Variants in PEF1 observed in about 807,000 individuals in gnomAD.
The protein encoded by PEF1 is peflin.
In PEF1, 17 loss-of-function variants were observed where a neutral mutation model predicts 32.0. That is an observed-to-expected ratio of 0.53 (90% CI 0.36 to 0.80). The LOEUF (loss-of-function observed/expected upper bound fraction) is 0.80. Among genes scored for constraint, PEF1 ranks in the 30% least tolerant of loss-of-function variants. PEF1 has a pLI of 0.00. For missense variants in PEF1, 362 were observed against 369.1 expected, an observed-to-expected ratio of 0.98 and a Z score of 0.16; for synonymous variants, 130 against 139.8, an observed-to-expected ratio of 0.93 and a Z score of 0.50.
At position 31,630,746 on chromosome 1, in the gene PEF1, T is replaced by C; in HGVS notation, c.722A>G (p.Asp241Gly). 1 of 1,614,104 alleles carries C rather than the reference T, an allele frequency of 6.2e-7. No homozygotes were observed. The highest frequency in any genetic ancestry group is 1.1e-5 in the South Asian group (1 of 91,078). The part of the protein sequence containing the change: ...PRSANPAMQL[D>G]RFIQVCTQLQ... ...CTGGGTGCACACCTGGATGAAGCGGTCAAGCTGCATGGCAGGATTGGCAGA... is the reference window on the plus strand; with the variant it reads ...CTGGGTGCACACCTGGATGAAGCGGCCAAGCTGCATGGCAGGATTGGCAGA... Residue 241 changes from aspartate to glycine, a missense_variant, in exon 5 of 5, where the codon GAC becomes GGC. Transcript: ENST00000373703.
intron 4 of PEF1, among the ~76,000 whole-genome samples, chr1:31,631,372 G>GACT (rs1463600410): frequency 1.3e-5 from 2 of 152,222 alleles, no homozygotes; most frequent in Non-Finnish European, 2.9e-5. Context: ...TTAGCACAGT[G>GACT]ACTGGCACAG....
Position 31,630,538 on chromosome 1 carries a change from A to G in PEF1, c.*75T>C, listed in dbSNP as rs1640065880. 7.4e-7 allele frequency: 1 copy of G among 1,355,078 alleles called. No homozygotes were observed. The highest frequency in any genetic ancestry group is 1.0e-6 in the Non-Finnish European group (1 of 960,868). The allele number at this position is 1,355,078 out of a possible 1,614,324, so 83.9% of individuals were successfully genotyped here. On this transcript the variant is annotated 3_prime_UTR_variant, in exon 5 of 5. Coordinates refer to ENST00000373703, the MANE Select transcript of PEF1 (RefSeq NM_012392.4). Reference sequence around the variant, plus strand: ...TTCTAGAGGGACAGGAAAAGAAGAGATGTCCACATACTTCTCTCACTCTAA... The same window carrying G: ...TTCTAGAGGGACAGGAAAAGAAGAGGTGTCCACATACTTCTCTCACTCTAA...
chr1:31,641,326 G>C (rs574031426), intron 1 of PEF1, among the ~76,000 whole-genome samples: 2 of 152,064 alleles, frequency 1.3e-5, no homozygotes, highest in Non-Finnish European at 2.9e-5. Flanking sequence ...CCTCAATAGC[G>C]TCAAAACCGG....
intron 2 of PEF1, 99 bp from the exon 3 acceptor site, chr1:31,633,413 A>G (rs1640170858): frequency 3.9e-6 from 5 of 1,275,936 alleles, no homozygotes; most frequent in Admixed American, 5.5e-5. Flanking sequence ...GAAGCTTCAC[A>G]AATTCACCTT....
intron 1 of PEF1, among the ~76,000 whole-genome samples, chr1:31,641,895 A>G (rs1395977310): frequency 6.6e-6 from 1 of 152,224 alleles, no homozygotes; most frequent in Non-Finnish European, 1.5e-5. Flanking sequence ...TTTAATCTTT[A>G]GAGTAATTCT....
chr1:31,630,711 G>C lies in PEF1; in HGVS notation c.757C>G (p.Leu253Val). Residue 253 changes from leucine to valine, a missense_variant, in exon 5 of 5, where the codon CTG (leucine) becomes GTG (valine). Coordinates refer to ENST00000373703, the MANE Select transcript of PEF1 (RefSeq NM_012392.4). Reference protein sequence around the residue: ...FIQVCTQLQVLTEAFREKDTA... With the variant: ...FIQVCTQLQVVTEAFREKDTA... ...TCCTTCTCCCGGAAGGCCTCTGTCA[G>C]CACCTGCAGCTGGGTGCACACCTGG... is the stretch of plus-strand genomic sequence containing the variant. The C allele has an allele frequency of 6.2e-6, 10 of 1,614,198 alleles. No individual in the cohort carries two copies. Among genetic ancestry groups the C allele is most frequent in the Non-Finnish European group, 8.5e-6 (10 of 1,180,050 alleles).
In PEF1 at chr1:31,630,747, C is replaced by G. The variant is rs780909453; in HGVS notation, c.721G>C (p.Asp241His). The G allele has an allele frequency of 2.5e-6, 4 of 1,614,100 alleles. No homozygotes were observed. The highest frequency in any genetic ancestry group is 3.4e-6 in the Non-Finnish European group (4 of 1,180,028). Residue 241 changes from aspartate (D) to histidine (H), a missense_variant, in exon 5 of 5, where the codon GAC becomes CAC. Physicochemically the swap from Asp to His is moderately conservative, Grantham distance 81. Transcript: ENST00000373703. ...TGGGTGCACACCTGGATGAAGCGGT[C>G]AAGCTGCATGGCAGGATTGGCAGAG... is the stretch of plus-strand genomic sequence containing the variant. ...PRSANPAMQL[D>H]RFIQVCTQLQ...
At chr1:31,637,365 A>G (rs1458019883) in intron 1 of PEF1, among the ~76,000 whole-genome samples, 1 of 152,148 alleles carries the variant, frequency 6.6e-6, no homozygotes, top group East Asian at 1.9e-4. Context: ...TTCCTTCCTC[A>G]CTGGACTGTT....
intron 1 of PEF1, among the ~76,000 whole-genome samples, chr1:31,641,559 T>G (rs952409588): frequency 6.6e-6 from 1 of 152,226 alleles, no homozygotes; most frequent in Admixed American, 6.5e-5. Context: ...ACAACTACAC[T>G]GAACTTCTTA....
At chr1:31,643,607 A>AG (rs1342308411) in intron 1 of PEF1, among the ~76,000 whole-genome samples, 1 of 152,200 alleles carries the variant, frequency 6.6e-6, no homozygotes, top group Non-Finnish European at 1.5e-5. Flanking sequence ...GCAGTTAATT[A>AG]GGGGTAATAA....
chr1:31,635,321 T>C lies in PEF1; in HGVS notation c.226A>G (p.Thr76Ala). 6.2e-7 allele frequency: 1 copy of C among 1,613,892 alleles called. No homozygotes were observed. The highest frequency in any genetic ancestry group is 8.5e-7 in the Non-Finnish European group (1 of 1,179,940). Residue 76 changes from threonine (T) to alanine (A), a missense_variant, in exon 2 of 5, where the codon ACT (threonine) becomes GCT (alanine). Thr to Ala is a moderately conservative substitution (Grantham distance 58). Transcript: ENST00000373703. ...GCACCGCCATATGGTCCTCCTGGAGTTCCAGAGGGGAACATCCCAGGATTG... is the reference window on the plus strand; with the variant it reads ...GCACCGCCATATGGTCCTCCTGGAGCTCCAGAGGGGAACATCCCAGGATTG... ...HPNPGMFPSGTPGGPYGGAAP... is the reference protein window; with the variant it reads ...HPNPGMFPSGAPGGPYGGAAP...
At chr1:31,634,578 C>T (rs1416317656) in intron 2 of PEF1, among the ~76,000 whole-genome samples, 5 of 152,100 alleles carry the variant, frequency 3.3e-5, no homozygotes, top group Non-Finnish European at 7.4e-5. Context: ...CGTCTCCTGG[C>T]TAATAATCTC....
chr1:31,631,695 T>C (rs1298184711), intron 4 of PEF1, among the ~76,000 whole-genome samples: 3 of 152,200 alleles, frequency 2.0e-5, no homozygotes, highest in Non-Finnish European at 4.4e-5. Context: ...ATTCAGTAAA[T>C]ACGTTTTGTT....
Position 31,630,782 on chromosome 1 carries a change from T to G in PEF1, c.686A>C (p.Tyr229Ser), listed in dbSNP as rs1221334939. 1 of 1,613,642 alleles carries G rather than the reference T, an allele frequency of 6.2e-7. No homozygotes were observed. The highest frequency in any genetic ancestry group is 8.5e-7 in the Non-Finnish European group (1 of 1,180,026). The change falls in exon 5 of 5, where the codon TAC (tyrosine) becomes TCC (serine). Residue 229 changes from tyrosine to serine, a missense_variant. Physicochemically the swap from Tyr to Ser is moderately radical, Grantham distance 144. Coordinates refer to ENST00000373703, the MANE Select transcript of PEF1 (RefSeq NM_012392.4). ...PQFTQLLVSR[Y>S]CPRSANPAMQ... ...GGCAGGATTGGCAGAGCGTGGGCAGTAGCGGGAGACCAGAAGCTGGGTGAA... is the reference window on the plus strand; with the variant it reads ...GGCAGGATTGGCAGAGCGTGGGCAGGAGCGGGAGACCAGAAGCTGGGTGAA...
Position 31,630,449 on chromosome 1 carries a change from G to T in PEF1, c.*164C>A. 1 of 716,720 alleles carries T rather than the reference G, an allele frequency of 1.4e-6. No homozygotes were observed. The highest frequency in any genetic ancestry group is 2.3e-6 in the Non-Finnish European group (1 of 434,428). The allele number at this position is 716,720 out of a possible 1,614,324, so 44.4% of individuals were successfully genotyped here. On this transcript the variant is annotated 3_prime_UTR_variant, in exon 5 of 5. Transcript: ENST00000373703. ...CAGCCCCGGTCCTCACTATTTGGTG[G>T]CTATGATGCAGGACTCTCCACCCTC...
intron 1 of PEF1, 132 bp downstream of exon 1, chr1:31,644,709 C>A: frequency 6.5e-7 from 1 of 1,546,568 alleles, no homozygotes; most frequent in East Asian, 2.3e-5. Flanking sequence ...CGGTTCTCTA[C>A]AGCGCAAGGC....
intron 4 of PEF1, chr1:31,632,183 C>T: frequency 1.7e-6 from 1 of 588,282 alleles, no homozygotes; most frequent in Non-Finnish European, 3.0e-6. Flanking sequence ...ACCCAAGCCA[C>T]ACACACTGGT....
At chr1:31,633,798 A>T (rs576499036) in intron 2 of PEF1, among the ~76,000 whole-genome samples, 5 of 152,228 alleles carry the variant, frequency 3.3e-5, no homozygotes, top group African/African-American at 1.2e-4. Context: ...TCTACTAAAA[A>T]TAGAAAATTA....
chr1:31,633,443 G>T, intron 2 of PEF1, 129 bp from the exon 3 acceptor site: 6 of 998,766 alleles, frequency 6.0e-6, no homozygotes, highest in Non-Finnish European at 8.7e-6. Context: ...CCATCAAGCT[G>T]ACATTCTTAC....
Sources: allele counts gnomAD v4.1 joint callset (sites outside exome capture counted in the v4.1 genomes callset), GRCh38; gene constraint gnomAD v4.1.1; transcripts MANE v1.5; gene names NCBI Gene and HGNC (gene_info 2026-07-23, HGNC 2026-07-21).